Variants in MBD2 observed in about 807,000 individuals in gnomAD.
MBD2 encodes methyl-CpG-binding domain protein 2.
Under a neutral mutation model 39.3 loss-of-function variants are expected in MBD2, and 9 were observed. The ratio of observed to expected loss-of-function variants is 0.23; its 90% CI spans 0.14 to 0.40. The LOEUF is 0.40. MBD2 is among the 10% of genes least tolerant of loss of function. The pLI, the probability that MBD2 is intolerant of heterozygous loss-of-function variation, is 1.00. For synonymous variants in MBD2, 233 were observed against 211.1 expected, an observed-to-expected ratio of 1.10 and a Z score of -0.90; for missense variants, 458 against 532.6, an observed-to-expected ratio of 0.86 and a Z score of 1.38.
At chr18:54,158,858 C>T (rs1362171906) in intron 6 of MBD2, among the ~76,000 whole-genome samples, 1 of 152,160 alleles carries the variant, frequency 6.6e-6, no homozygotes, top group Non-Finnish European at 1.5e-5. Flanking sequence ...AAACTCCTGA[C>T]CTCAAGTGAT....
At chr18:54,164,723 G>C (rs774790765) in intron 4 of MBD2, 23 bp from the exon 5 acceptor site, 3 of 1,581,936 alleles carry the variant, frequency 1.9e-6, no homozygotes, top group Middle Eastern at 1.7e-4. Context: ...ACAAGTACTA[G>C]TTAAAGGAAA....
At position 54,164,608 on chromosome 18, in the gene MBD2, C is replaced by A. The variant is rs182260595; in HGVS notation, c.1024G>T (p.Ala342Ser). Residue 342 changes from alanine (A) to serine (S), a missense_variant, in exon 5 of 7, where the codon GCT becomes TCT. By Grantham distance (99) the Ala-to-Ser change is moderately conservative. This residue lies in a region of MBD2 where 189 missense variants were observed against 296.6 expected (regional missense o/e 0.64). Coordinates refer to ENST00000256429, the MANE Select transcript of MBD2 (RefSeq NM_003927.5). ...ACAGCAGGGTTCTTTTCCACAGCAGCGGAGACTTGCCCTGTGATTGGCGCA... is the reference window on the plus strand; with the variant it reads ...ACAGCAGGGTTCTTTTCCACAGCAGAGGAGACTTGCCCTGTGATTGGCGCA... ...SSAPITGQVS[A>S]AVEKNPAVWL... 6.2e-7 allele frequency: 1 copy of A among 1,614,150 alleles called. No individual in the cohort carries two copies. The highest frequency in any genetic ancestry group is 8.5e-7 in the Non-Finnish European group (1 of 1,180,022).
chr18:54,193,114 C>G (rs531675621), intron 2 of MBD2, among the ~76,000 whole-genome samples: 2 of 152,288 alleles, frequency 1.3e-5, no homozygotes, highest in South Asian at 4.1e-4. Context: ...GTCAAAGAAA[C>G]AGTCAATTCT....
intron 2 of MBD2, among the ~76,000 whole-genome samples, chr18:54,204,391 G>A (rs1372266225): frequency 1.3e-5 from 2 of 152,212 alleles, no homozygotes; most frequent in African/African-American, 4.8e-5. Flanking sequence ...CCTGGGACCA[G>A]AAGAGTTTCA....
intron 2 of MBD2, among the ~76,000 whole-genome samples, chr18:54,198,964 G>C (rs1461073474): frequency 6.6e-6 from 1 of 152,136 alleles, no homozygotes; most frequent in East Asian, 1.9e-4. Flanking sequence ...GGTAAAAAAT[G>C]CATGTATGTG....
At chr18:54,218,899 T>C (rs942257200) in intron 1 of MBD2, among the ~76,000 whole-genome samples, 1 of 150,922 alleles carries the variant, frequency 6.6e-6, no homozygotes, top group African/African-American at 2.4e-5. Flanking sequence ...GAGGCGGAGG[T>C]TGCAGTGAGC....
intron 3 of MBD2, among the ~76,000 whole-genome samples, chr18:54,188,480 T>C (rs1169733277): frequency 6.6e-6 from 1 of 152,152 alleles, no homozygotes; most frequent in Non-Finnish European, 1.5e-5. Context: ...GAAATCAGAA[T>C]AAAAAGTAGT....
intron 1 of MBD2, among the ~76,000 whole-genome samples, chr18:54,205,842 G>A (rs1599103108): frequency 6.6e-6 from 1 of 151,940 alleles, no homozygotes; most frequent in East Asian, 1.9e-4. Flanking sequence ...AATTGATTTT[G>A]AAATGCTTTT....
At chr18:54,171,771 T>C (rs1006963415) in intron 3 of MBD2, among the ~76,000 whole-genome samples, 3 of 152,214 alleles carry the variant, frequency 2.0e-5, no homozygotes, top group Non-Finnish European at 2.9e-5. Context: ...GCACCTTCTG[T>C]ACAGAAATTC....
At chr18:54,203,532 G>C (rs2086424807) in intron 2 of MBD2, among the ~76,000 whole-genome samples, 1 of 152,166 alleles carries the variant, frequency 6.6e-6, no homozygotes, top group African/African-American at 2.4e-5. Flanking sequence ...AGGCAATTTA[G>C]CCTTCTCTTT....
intron 3 of MBD2, among the ~76,000 whole-genome samples, chr18:54,169,028 C>T (rs2086159170): frequency 6.6e-6 from 1 of 151,930 alleles, no homozygotes; most frequent in Non-Finnish European, 1.5e-5. Context: ...CCAGTCTTTC[C>T]CACTCTGTGT....
At chr18:54,220,820 C>G (rs746722322) in intron 1 of MBD2, among the ~76,000 whole-genome samples, 1 of 152,176 alleles carries the variant, frequency 6.6e-6, no homozygotes, top group Non-Finnish European at 1.5e-5. Context: ...AGTCACAAGT[C>G]AAATTAACTA....
chr18:54,217,904 A>G (rs1174179709), intron 1 of MBD2, among the ~76,000 whole-genome samples: 1 of 152,232 alleles, frequency 6.6e-6, no homozygotes, highest in Non-Finnish European at 1.5e-5. Flanking sequence ...CACCCTAACA[A>G]AAATTCCTTT....
intron 2 of MBD2, chr18:54,202,624 CA>C: frequency 2.6e-6 from 2 of 775,356 alleles, no homozygotes; most frequent in Non-Finnish European, 3.2e-6. Context: ...ACCATGCCTC[CA>C]AAAATTAAGG....
intron 1 of MBD2, among the ~76,000 whole-genome samples, chr18:54,212,701 A>T (rs978206906): frequency 2.0e-5 from 3 of 152,070 alleles, no homozygotes; most frequent in Admixed American, 6.5e-5. Flanking sequence ...TTAAAAAAAA[A>T]ATATCAAGAC....
chr18:54,166,028 T>G, intron 4 of MBD2, 48 bp downstream of exon 4: 1 of 1,269,828 alleles, frequency 7.9e-7, no homozygotes, highest in Non-Finnish European at 1.1e-6. Context: ...GTGCCTGGCA[T>G]GCAGTAGGTA....
chr18:54,188,352 GA>G, intron 3 of MBD2, among the ~76,000 whole-genome samples: 1 of 152,220 alleles, frequency 6.6e-6, no homozygotes. Flanking sequence ...AAGCAATAAA[GA>G]AAGAGAAAAA....
chr18:54,180,821 G>GT (rs578251677), intron 3 of MBD2, among the ~76,000 whole-genome samples: 183 of 146,258 alleles, frequency 1.3e-3, no homozygotes, highest in African/African-American at 4.1e-3. Flanking sequence ...CAGTTGTCAT[G>GT]TTTTTAAAAT....
intron 2 of MBD2, among the ~76,000 whole-genome samples, chr18:54,192,615 T>C (rs1207704554): frequency 6.6e-6 from 1 of 152,174 alleles, no homozygotes; most frequent in Non-Finnish European, 1.5e-5. Flanking sequence ...CACACAGAAG[T>C]ATTTGCAACC....
Sources: allele counts gnomAD v4.1 joint callset (sites outside exome capture counted in the v4.1 genomes callset), GRCh38; gene constraint gnomAD v4.1.1; regional missense constraint gnomAD v4.1.1; transcripts MANE v1.5; gene names NCBI Gene and HGNC (gene_info 2026-07-23, HGNC 2026-07-21).